CDC42BPA: variants seen among roughly 807,000 people sequenced by gnomAD.
The protein encoded by CDC42BPA is CDC42 binding protein kinase alpha.
Under a neutral mutation model 223.5 loss-of-function variants are expected in CDC42BPA, and 80 were observed. The observed-to-expected ratio is 0.36, with a 90% CI of 0.30 to 0.43. The LOEUF is 0.43. CDC42BPA is among the 20% of genes least tolerant of loss of function. The probability of loss-of-function intolerance (pLI) is 1.00; values close to 1 mark genes in which losing one functional copy is unlikely to be tolerated. For missense variants in CDC42BPA, 1,743 were observed against 2,099.9 expected, an observed-to-expected ratio of 0.83 and a Z score of 3.32; for synonymous variants, 694 against 718.6, an observed-to-expected ratio of 0.97 and a Z score of 0.55.
At chr1:227,298,231 A>G (rs1400113408) in intron 1 of CDC42BPA, among the ~76,000 whole-genome samples, 1 of 151,882 alleles carries the variant, frequency 6.6e-6, no homozygotes. Context: ...GGTACTGAAG[A>G]CAAGCAACAG....
At chr1:227,114,065 A>G (rs1462669094) in intron 12 of CDC42BPA, among the ~76,000 whole-genome samples, 1 of 151,804 alleles carries the variant, frequency 6.6e-6, no homozygotes, top group African/African-American at 2.4e-5. Flanking sequence ...TGTTAAAATT[A>G]AAGACATGCA....
intron 12 of CDC42BPA, among the ~76,000 whole-genome samples, chr1:227,119,005 T>A (rs1248100270): frequency 6.6e-6 from 1 of 152,098 alleles, no homozygotes; most frequent in Non-Finnish European, 1.5e-5. Flanking sequence ...TCCATCTCCT[T>A]CCTGGCACCA....
At chr1:227,213,702 C>T (rs571678755) in intron 2 of CDC42BPA, among the ~76,000 whole-genome samples, 2 of 152,042 alleles carry the variant, frequency 1.3e-5, no homozygotes, top group South Asian at 2.1e-4. Flanking sequence ...AAACTGAAAA[C>T]GATCCTATTT....
rs998952355 is a variant in CDC42BPA, at chr1:227,014,179, GA to G, written c.4857+1900del. Among the ~76,000 whole-genome samples, 152 of 149,306 alleles carry G rather than the reference GA, an allele frequency of 1.0e-3. 1 individual carries two copies. Among genetic ancestry groups the G allele is most frequent in the African/African-American group, 3.6e-3 (146 of 40,834 alleles). On this transcript the variant is annotated intron_variant, in intron 34 of 36. Coordinates refer to ENST00000366766, the MANE Select transcript of CDC42BPA (RefSeq NM_001394014.1). ...GAGATCTCACTCCCAGAAAAAGGTT[GA>G]AAAAAAAATAGTATAGCTTTTAAAC...
intron 30 of CDC42BPA, among the ~76,000 whole-genome samples, chr1:227,026,518 C>CTTCAGGTAAGT (rs1277900039): frequency 6.6e-6 from 1 of 152,142 alleles, no homozygotes; most frequent in African/African-American, 2.4e-5. Flanking sequence ...GCAGAGAAAT[C>CTTCAGGTAAGT]TTCAGGTAAG....
chr1:227,173,186 C>G (rs137935329), intron 5 of CDC42BPA, among the ~76,000 whole-genome samples: 2 of 152,280 alleles, frequency 1.3e-5, no homozygotes, highest in Admixed American at 6.5e-5. Context: ...TGCATTGGCT[C>G]CTCCAAATGA....
intron 1 of CDC42BPA, among the ~76,000 whole-genome samples, chr1:227,273,122 A>T (rs1302650191): frequency 6.6e-6 from 1 of 152,134 alleles, no homozygotes; most frequent in Non-Finnish European, 1.5e-5. Context: ...ACATGGTGAA[A>T]CCCCATCTCT....
chr1:227,010,898 G>A, intron 34 of CDC42BPA: 1 of 1,364,090 alleles, frequency 7.3e-7, no homozygotes, highest in Non-Finnish European at 9.8e-7. Context: ...ATAAAGCTTG[G>A]TGTACCAGGG....
intron 1 of CDC42BPA, among the ~76,000 whole-genome samples, chr1:227,275,892 G>C (rs528924228): frequency 6.6e-6 from 1 of 152,134 alleles, no homozygotes. Context: ...ACGGAGTCTC[G>C]CTCACTCAGT....
At chr1:227,288,825 T>C (rs1304514184) in intron 1 of CDC42BPA, among the ~76,000 whole-genome samples, 1 of 150,178 alleles carries the variant, frequency 6.7e-6, no homozygotes, top group Non-Finnish European at 1.5e-5. Flanking sequence ...TGAAACCCCG[T>C]CTCTACTAAA....
chr1:227,258,509 A>G (rs1242178437), intron 1 of CDC42BPA, among the ~76,000 whole-genome samples: 1 of 151,074 alleles, frequency 6.6e-6, no homozygotes, highest in African/African-American at 2.5e-5. Flanking sequence ...TACCCTAAGT[A>G]GTATAAAGAA....
intron 1 of CDC42BPA, among the ~76,000 whole-genome samples, chr1:227,268,213 T>C (rs910398897): frequency 3.9e-5 from 6 of 152,152 alleles, no homozygotes; most frequent in African/African-American, 1.4e-4. Flanking sequence ...TTTATTGGAA[T>C]AAAGCCCCAT....
At chr1:227,237,908 G>C (rs1679355624) in intron 2 of CDC42BPA, among the ~76,000 whole-genome samples, 1 of 151,758 alleles carries the variant, frequency 6.6e-6, no homozygotes, top group South Asian at 2.1e-4. Flanking sequence ...GCGTGGTGGT[G>C]CATGCCTGTA....
At chr1:227,011,605 A>T (rs1297825769) in intron 34 of CDC42BPA, among the ~76,000 whole-genome samples, 1 of 152,208 alleles carries the variant, frequency 6.6e-6, no homozygotes, top group Non-Finnish European at 1.5e-5. Context: ...TTTACCTTTA[A>T]GCAGCCCAAG....
chr1:227,244,579 T>C (rs1226346963), intron 2 of CDC42BPA, among the ~76,000 whole-genome samples: 2 of 151,894 alleles, frequency 1.3e-5, no homozygotes, highest in African/African-American at 2.4e-5. Flanking sequence ...CTCATACAAA[T>C]GTAAAAATCT....
At chr1:227,296,182 G>A (rs1428946048) in intron 1 of CDC42BPA, among the ~76,000 whole-genome samples, 1 of 152,138 alleles carries the variant, frequency 6.6e-6, no homozygotes, top group Non-Finnish European at 1.5e-5. Flanking sequence ...CAATGGAATA[G>A]AACTGAGAGT....
At position 227,145,507 on chromosome 1, in the gene CDC42BPA, A is replaced by T; in HGVS notation, c.1125T>A (p.Asp375Glu). The T allele has an allele frequency of 6.2e-7, 1 of 1,613,296 alleles. No homozygotes were observed. The highest frequency in any genetic ancestry group is 8.5e-7 in the Non-Finnish European group (1 of 1,179,548). Reference sequence around the variant, plus strand: ...TACTTACAGAATTTTTTAAACAATCATCATCTACATCAAAATTCGATGTAT... The same window carrying T: ...TACTTACAGAATTTTTTAAACAATCTTCATCTACATCAAAATTCGATGTAT... Reference protein sequence around the residue: ...PTDTSNFDVDDDCLKNSETMP... With the variant: ...PTDTSNFDVDEDCLKNSETMP... Residue 375 changes from aspartate (D) to glutamate (E), a missense_variant, in exon 8 of 37, where the codon GAT (aspartate) becomes GAA (glutamate). Coordinates refer to ENST00000366766, the MANE Select transcript of CDC42BPA (RefSeq NM_001394014.1).
At chr1:227,065,187 T>C (rs947342059) in intron 21 of CDC42BPA, among the ~76,000 whole-genome samples, 1 of 152,186 alleles carries the variant, frequency 6.6e-6, no homozygotes, top group Non-Finnish European at 1.5e-5. Flanking sequence ...ATCACCACAC[T>C]GTCCTAATCC....
At chr1:227,022,399 C>G (rs894355283) in intron 32 of CDC42BPA, among the ~76,000 whole-genome samples, 3 of 151,346 alleles carry the variant, frequency 2.0e-5, no homozygotes, top group Non-Finnish European at 4.4e-5. Flanking sequence ...TGCCACTGCA[C>G]TATAGCCTGG....
Sources: allele counts gnomAD v4.1 joint callset (sites outside exome capture counted in the v4.1 genomes callset), GRCh38; gene constraint gnomAD v4.1.1; transcripts MANE v1.5; gene names NCBI Gene and HGNC (gene_info 2026-07-23, HGNC 2026-07-21).